The following KDM5B variants were observed in gnomAD, a reference collection of about 807,000 sequenced individuals.
KDM5B encodes lysine demethylase 5B, also known as lysine-specific demethylase 5B.
In KDM5B, 144 loss-of-function variants were observed where a neutral mutation model predicts 193.4. The observed-to-expected ratio is 0.74, with a 90% CI of 0.65 to 0.86. KDM5B has a LOEUF of 0.86. Ranked by LOEUF, KDM5B falls within the 40% of genes least tolerant of loss-of-function variation. The pLI is 0.00. For missense variants in KDM5B, 1,833 were observed against 1,886.9 expected (o/e 0.97, Z 0.53); for synonymous variants, 668 against 682.6 (o/e 0.98, Z 0.33).
At chr1:202,771,442 T>C (rs1325801413) in intron 4 of KDM5B, among the ~76,000 whole-genome samples, 3 of 150,812 alleles carry the variant, frequency 2.0e-5, no homozygotes, top group Admixed American at 6.7e-5. Flanking sequence ...GGTTTTGCCA[T>C]GTTGGCCAGC....
chr1:202,780,877 C>T (rs1657169101), intron 1 of KDM5B, among the ~76,000 whole-genome samples: 2 of 151,434 alleles, frequency 1.3e-5, no homozygotes, highest in African/African-American at 2.4e-5. Flanking sequence ...ACCACAATTA[C>T]GTTTGCGCCA....
intron 1 of KDM5B, among the ~76,000 whole-genome samples, chr1:202,782,032 G>A (rs1415005891): frequency 6.6e-6 from 1 of 152,022 alleles, no homozygotes; most frequent in Non-Finnish European, 1.5e-5. Flanking sequence ...TTAGCATAAA[G>A]CTAAAATGAA....
chr1:202,808,396 C>T lies in KDM5B; in HGVS notation c.-91G>A, dbSNP rs1481949209. On this transcript the variant is annotated 5_prime_UTR_variant, in exon 1 of 27. Transcript: ENST00000367265. ...GTCCGAGACCCGTGCAGACGCGGCT[C>T]GAGCAACAGCAAGTCCGAGTTGTAC... The T allele has an allele frequency of 8.3e-7, 1 of 1,206,114 alleles. No individual in the cohort carries two copies. The highest frequency in any genetic ancestry group is 1.1e-6 in the Non-Finnish European group (1 of 886,912). 74.7% of individuals were successfully genotyped at this position (1,206,114 alleles called of 1,614,324 possible). A position where few individuals can be genotyped will look rare whatever the true frequency, so the allele number is the denominator to read the frequency against.
intron 1 of KDM5B, among the ~76,000 whole-genome samples, chr1:202,806,060 C>T (rs745616073): frequency 2.0e-5 from 3 of 152,136 alleles, no homozygotes; most frequent in Non-Finnish European, 4.4e-5. Context: ...GAGAAAAAGG[C>T]AATTCGATCA....
At chr1:202,799,237 C>T (rs1572783367) in intron 1 of KDM5B, among the ~76,000 whole-genome samples, 1 of 152,144 alleles carries the variant, frequency 6.6e-6, no homozygotes, top group Admixed American at 6.5e-5. Flanking sequence ...GCATACGTTG[C>T]AGAAAAATGA....
intron 10 of KDM5B, 110 bp from the exon 11 acceptor site, chr1:202,755,562 G>C: frequency 1.1e-6 from 1 of 875,096 alleles, no homozygotes; most frequent in South Asian, 1.8e-5. Context: ...ATGTGGAAGA[G>C]GAGGGGCCAC....
intron 11 of KDM5B, 97 bp from the exon 12 acceptor site, chr1:202,753,164 C>T (rs1047008572): frequency 5.1e-5 from 53 of 1,033,132 alleles, no homozygotes; most frequent in Non-Finnish European, 6.1e-5. Flanking sequence ...TGTAAGACTA[C>T]GCAAAAAAGG....
intron 1 of KDM5B, chr1:202,807,296 G>A (rs1658337439): frequency 6.6e-6 from 1 of 152,500 alleles, no homozygotes; most frequent in Non-Finnish European, 1.5e-5. Context: ...GAAGCCGGGA[G>A]TGTGCGCGTT....
At chr1:202,761,671 A>G (rs1400874666) in intron 7 of KDM5B, among the ~76,000 whole-genome samples, 1 of 152,206 alleles carries the variant, frequency 6.6e-6, no homozygotes, top group Non-Finnish European at 1.5e-5. Context: ...ATATGTACAG[A>G]GGAAAGACCA....
At chr1:202,733,304 C>T (rs1654960853) in intron 23 of KDM5B, 97 bp downstream of exon 23, 1 of 1,383,362 alleles carries the variant, frequency 7.2e-7, no homozygotes, top group Non-Finnish European at 9.9e-7. Flanking sequence ...GTAAAGTGAT[C>T]ACACCAAGGG....
Position 202,767,034 on chromosome 1 carries a change from T to C in KDM5B, c.603A>G (p.Thr201=), listed in dbSNP as rs779739122. The change falls in exon 5 of 27, where the codon ACA becomes ACG. Residue 201 remains threonine (T), a synonymous_variant. Transcript: ENST00000367265. ...LRCLQKPNLT[T]DTKDKEYKPH... Reference sequence around the variant, plus strand: ...GTTTGTACTCCTTGTCCTTAGTGTCTGTGGTCAGGTTTGGCTTCTGCAAAC... The same window carrying C: ...GTTTGTACTCCTTGTCCTTAGTGTCCGTGGTCAGGTTTGGCTTCTGCAAAC... 3 of 1,609,170 alleles carry C rather than the reference T, an allele frequency of 1.9e-6. No homozygotes were observed. The highest frequency in any genetic ancestry group is 1.7e-6 in the Non-Finnish European group (2 of 1,178,934).
Position 202,733,887 on chromosome 1 carries a change from C to T in KDM5B, c.3424-1G>A, listed in dbSNP as rs979678648. The T allele has an allele frequency of 1.9e-6, 3 of 1,601,992 alleles. No individual in the cohort carries two copies. Among genetic ancestry groups the T allele is most frequent in the African/African-American group, 2.7e-5 (2 of 74,226 alleles). On this transcript the variant is annotated splice_acceptor_variant, in intron 22 of 26. Coordinates refer to ENST00000367265, the MANE Select transcript of KDM5B (RefSeq NM_006618.5). LOFTEE classifies it high-confidence loss of function. ...GGCGAGCTTCCCCAAGAGTTGCCAT[C>T]TGAAAAAGAGTTAACAATCAAGGAT...
intron 1 of KDM5B, among the ~76,000 whole-genome samples, chr1:202,784,280 A>G (rs147050595): frequency 2.3e-3 from 356 of 152,332 alleles, no homozygotes; most frequent in African/African-American, 8.1e-3. Flanking sequence ...TACAGAGGCT[A>G]CGAAAGTTGG....
At chr1:202,736,477 T>C (rs139102570) in intron 20 of KDM5B, 85 bp from the exon 21 acceptor site, 37 of 1,074,258 alleles carry the variant, frequency 3.4e-5, no homozygotes, top group African/African-American at 1.6e-4. Flanking sequence ...GATTGGTCCA[T>C]TGAGTACTTC....
At chr1:202,750,915 T>G in intron 12 of KDM5B, 137 bp from the exon 13 acceptor site, 1 of 741,470 alleles carries the variant, frequency 1.3e-6, no homozygotes, top group South Asian at 2.1e-5. Flanking sequence ...AACAAATTAT[T>G]ATAGTAGAAT....
intron 2 of KDM5B, 31 bp downstream of exon 2, chr1:202,776,986 C>T (rs1656983674): frequency 7.1e-7 from 1 of 1,407,560 alleles, no homozygotes. Context: ...CCCTGGAATA[C>T]AGGCAAACAG....
intron 16 of KDM5B, among the ~76,000 whole-genome samples, chr1:202,744,733 G>C (rs1359280682): frequency 6.6e-6 from 1 of 152,214 alleles, no homozygotes; most frequent in East Asian, 1.9e-4. Flanking sequence ...GTGGAAGACA[G>C]TGTGGTGATT....
intron 14 of KDM5B, among the ~76,000 whole-genome samples, chr1:202,747,568 T>A (rs59491254): frequency 0.21 from 29,514 of 141,494 alleles, 3,431 homozygotes; most frequent in Non-Finnish European, 0.28. Flanking sequence ...GCACATATTT[T>A]TAAAAAAAAA....
At chr1:202,803,695 T>G (rs985544682) in intron 1 of KDM5B, among the ~76,000 whole-genome samples, 1 of 151,884 alleles carries the variant, frequency 6.6e-6, no homozygotes, top group Admixed American at 6.6e-5. Context: ...TGGCGGTGCA[T>G]GCCCACCCAG....
Sources: gnomAD v4.1 joint callset for allele counts (sites outside exome capture counted in the v4.1 genomes callset) on GRCh38, gnomAD v4.1.1 for gene constraint, MANE v1.5 for transcripts, NCBI Gene and HGNC (gene_info 2026-07-23, HGNC 2026-07-21) for gene names.